HOXC5: variants seen among roughly 807,000 people sequenced by gnomAD.
HOXC5 encodes the protein homeobox protein Hox-C5.
A neutral mutation model predicts 20.1 loss-of-function variants in HOXC5; 19 were observed. The ratio of observed to expected loss-of-function variants is 0.94; its 90% CI spans 0.66 to 1.38. The LOEUF is 1.38. HOXC5 is among the 40% of genes most tolerant of loss of function. The pLI is 0.00. For missense variants in HOXC5, 330 were observed against 300.1 expected, an observed-to-expected ratio of 1.10 and a Z score of -0.74; for synonymous variants, 124 against 117.0, an observed-to-expected ratio of 1.06 and a Z score of -0.39.
chr12:54,030,402 C>G (rs997999215), upstream of HOXC5: 1 of 153,450 alleles, frequency 6.5e-6, no homozygotes, highest in Non-Finnish European at 1.5e-5. Flanking sequence ...CGGGGAGGGC[C>G]GGAGGCCCAA....
chr12:54,031,005 G>A (rs979113461), upstream of HOXC5, among the ~76,000 whole-genome samples: 7 of 152,228 alleles, frequency 4.6e-5, no homozygotes, highest in Non-Finnish European at 8.8e-5. Context: ...TGAGGGGCTG[G>A]GAGGCCTCTC....
chr12:54,034,439 C>T lies in HOXC5; in HGVS notation c.616C>T (p.Arg206Cys). 6.2e-7 allele frequency: 1 copy of T among 1,614,234 alleles called. No homozygotes were observed. The highest frequency in any genetic ancestry group is 1.1e-5 in the South Asian group (1 of 91,076). Residue 206 changes from arginine (R) to cysteine (C), a missense_variant, in exon 2 of 2, where the codon CGC (arginine) becomes TGC (cysteine). By Grantham distance (180) the Arg-to-Cys change is radical. Coordinates refer to ENST00000312492, the MANE Select transcript of HOXC5 (RefSeq NM_018953.4). ...ERQIKIWFQN[R>C]RMKWKKDSKM... The stretch of plus-strand genomic sequence containing the variant: ...ACAGATCAAGATCTGGTTCCAGAAC[C>T]GCAGGATGAAGTGGAAGAAAGATTC...
At chr12:54,032,976 A>AG, upstream of HOXC5, 1 of 671,880 alleles carries the variant, frequency 1.5e-6, no homozygotes, top group Admixed American at 3.0e-5. Flanking sequence ...AGGCTCCCTT[A>AG]TTTGGGAAGA....
At chr12:54,019,244 C>T in the HOXC5 span, among the ~76,000 whole-genome samples, 1 of 132,024 alleles carries the variant, frequency 7.6e-6, no homozygotes, top group Non-Finnish European at 1.6e-5. Flanking sequence ...TTTCGCTTTC[C>T]TTGTTTACGA....
the HOXC5 span, chr12:54,020,973 T>G: frequency 6.6e-6 from 1 of 152,272 alleles, no homozygotes; most frequent in African/African-American, 2.4e-5. Flanking sequence ...TCTGCGGGAT[T>G]CTTTTCACGG....
intron 1 of HOXC5, chr12:54,034,036 C>T (rs752458105): frequency 2.9e-6 from 2 of 694,046 alleles, no homozygotes; most frequent in Middle Eastern, 2.4e-4. Context: ...CCTCTTCCCC[C>T]CAACCCCCCC....
chr12:54,020,528 G>A, the HOXC5 span: 1 of 152,092 alleles, frequency 6.6e-6, no homozygotes. Context: ...ACCAGGCTTG[G>A]GAGTGTTATA....
the HOXC5 span, chr12:54,020,381 T>C: frequency 6.6e-6 from 1 of 152,236 alleles, no homozygotes; most frequent in Non-Finnish European, 1.5e-5. Flanking sequence ...CCATCCGCTG[T>C]ATTTCATGTG....
At position 54,033,472 on chromosome 12, in the gene HOXC5, A is replaced by C. The variant is rs1941071429; in HGVS notation, c.350A>C (p.Glu117Ala). ...GAGGAGCGAGCTAAGAGCAGTGGGG[A>C]GATCAAAGAGGAGCAGGCGCAGACA... ...ALEERAKSSGEIKEEQAQTGQ... is the reference protein window; with the variant it reads ...ALEERAKSSGAIKEEQAQTGQ... Residue 117 changes from glutamate (E) to alanine (A), a missense_variant, in exon 1 of 2, where the codon GAG becomes GCG. Physicochemically the swap from Glu to Ala is moderately radical, Grantham distance 107 (BLOSUM62 -1). Coordinates refer to ENST00000312492, the MANE Select transcript of HOXC5 (RefSeq NM_018953.4). The C allele has an allele frequency of 1.9e-6, 3 of 1,597,236 alleles. No homozygotes were observed.
upstream of HOXC5, chr12:54,029,503 G>A (rs1175234500): frequency 1.6e-6 from 1 of 643,470 alleles, no homozygotes; most frequent in African/African-American, 1.8e-5. Flanking sequence ...CCCCCAGTGG[G>A]GGTGGGGCAA....
chr12:54,025,961 A>G, the HOXC5 span, among the ~76,000 whole-genome samples: 2 of 152,116 alleles, frequency 1.3e-5, no homozygotes, highest in Admixed American at 6.5e-5. Context: ...GACATAAAAG[A>G]GATTTTTAAA....
In HOXC5 at chr12:54,033,214, C is replaced by T. The variant is rs199703080; in HGVS notation, c.92C>T (p.Ser31Leu). The T allele has an allele frequency of 6.2e-7, 1 of 1,614,204 alleles. No individual in the cohort carries two copies. The highest frequency in any genetic ancestry group is 2.2e-5 in the East Asian group (1 of 44,878). ...MQTCGNYGSA[S>L]EVQASRYCYG... ...ACTTGTGGGAACTATGGATCGGCCT[C>T]AGAGGTGCAGGCATCCAGGTACTGC... The change falls in exon 1 of 2, where the codon TCA becomes TTA. Residue 31 changes from serine to leucine, a missense_variant. Coordinates refer to ENST00000312492, the MANE Select transcript of HOXC5 (RefSeq NM_018953.4).
intron 1 of HOXC5, chr12:54,034,043 C>T (rs551356077): frequency 4.9e-5 from 34 of 699,102 alleles, no homozygotes; most frequent in South Asian, 4.2e-4. Context: ...CCCCCAACCC[C>T]CCCTCAGCCC....
chr12:54,027,958 A>T, the HOXC5 span, among the ~76,000 whole-genome samples: 1 of 152,110 alleles, frequency 6.6e-6, no homozygotes, highest in Non-Finnish European at 1.5e-5. Flanking sequence ...GACTCACTCC[A>T]TGGAGTGTCA....
rs556314732 is a variant in HOXC5, at chr12:54,034,884, G to T, written c.*392G>T. The T allele has an allele frequency of 4.1e-5, 11 of 266,550 alleles. No homozygotes were observed. The East Asian group carries it at 8.3e-4, about 20-fold the overall frequency. The allele number at this position is 266,550 out of a possible 1,614,324, so 16.5% of individuals were successfully genotyped here. The stretch of plus-strand genomic sequence containing the variant: ...CGGCCCGCGCCACAGGACCCTCGCC[G>T]GACCCTCTAACCTCGCCCTCTCCTT... On this transcript the variant is annotated 3_prime_UTR_variant, in exon 2 of 2. Coordinates refer to ENST00000312492, the MANE Select transcript of HOXC5 (RefSeq NM_018953.4).
At chr12:54,028,788 A>G (rs755990418), upstream of HOXC5, 12 of 1,614,040 alleles carry the variant, frequency 7.4e-6, no homozygotes, top group Admixed American at 1.3e-4. Flanking sequence ...ACTGCAGACA[A>G]AACACCTTAG....
chr12:54,021,626 ACC>A, the HOXC5 span: 1 of 152,244 alleles, frequency 6.6e-6, no homozygotes, highest in Non-Finnish European at 1.5e-5. Flanking sequence ...GACAGGCTGC[ACC>A]AAGAGGTGTG....
upstream of HOXC5, chr12:54,030,635 C>T (rs796821332): frequency 1.7e-4 from 26 of 152,176 alleles, no homozygotes; most frequent in Middle Eastern, 3.4e-3. Context: ...TGTTCCTATC[C>T]AATTTCAAAA....
At chr12:54,028,595 C>G (rs1290792327), upstream of HOXC5, 3 of 1,614,054 alleles carry the variant, frequency 1.9e-6, no homozygotes, top group Admixed American at 5.0e-5. Flanking sequence ...CCCAACGTCG[C>G]CCTCAATTCC....
Sources: gnomAD v4.1 joint callset for allele counts (sites outside exome capture counted in the v4.1 genomes callset) on GRCh38, gnomAD v4.1.1 for gene constraint, MANE v1.5 for transcripts, NCBI Gene and HGNC (gene_info 2026-07-23, HGNC 2026-07-21) for gene names.